The following PTPRD variants were observed in gnomAD, a reference collection of about 807,000 sequenced individuals.
PTPRD encodes protein tyrosine phosphatase receptor type D, also known as receptor-type tyrosine-protein phosphatase delta.
In PTPRD, 34 loss-of-function variants were observed where a neutral mutation model predicts 214.5. The observed-to-expected ratio is 0.16, with a 90% CI of 0.12 to 0.21. The LOEUF (loss-of-function observed/expected upper bound fraction) is 0.21. Among genes scored for constraint, PTPRD ranks in the 10% least tolerant of loss-of-function variants. The pLI is 1.00. For synonymous variants in PTPRD, 1,128 were observed against 845.7 expected, an observed-to-expected ratio of 1.33 and a Z score of -5.79; for missense variants, 2,545 against 2,398.7, an observed-to-expected ratio of 1.06 and a Z score of -1.27.
At chr9:8,547,475 T>C (rs1210970327) in intron 14 of PTPRD, among the ~76,000 whole-genome samples, 1 of 152,008 alleles carries the variant, frequency 6.6e-6, no homozygotes, top group Non-Finnish European at 1.5e-5. Flanking sequence ...AAAACCAGTC[T>C]GTACAAAATA....
At chr9:9,019,771 C>G (rs997510229) in intron 10 of PTPRD, among the ~76,000 whole-genome samples, 8 of 152,106 alleles carry the variant, frequency 5.3e-5, no homozygotes, top group Non-Finnish European at 1.2e-4. Flanking sequence ...GAGAAAGATA[C>G]AAGTCCATGA....
At chr9:10,111,513 CA>C (rs1416073091) in intron 3 of PTPRD, among the ~76,000 whole-genome samples, 1 of 152,068 alleles carries the variant, frequency 6.6e-6, no homozygotes, top group Non-Finnish European at 1.5e-5. Context: ...GCTGGGATTA[CA>C]GGCGTGAGCC....
At chr9:8,626,974 T>C (rs537262750) in intron 14 of PTPRD, among the ~76,000 whole-genome samples, 2 of 151,808 alleles carry the variant, frequency 1.3e-5, no homozygotes, top group East Asian at 3.9e-4. Context: ...ACACCTACCA[T>C]CAATACTCAG....
intron 5 of PTPRD, among the ~76,000 whole-genome samples, chr9:9,900,174 G>C (rs1349269684): frequency 2.0e-5 from 3 of 152,096 alleles, no homozygotes; most frequent in Admixed American, 2.0e-4. Context: ...ACATGCCCAG[G>C]CTGCAGAATT....
At chr9:10,473,150 G>A (rs1192982959) in intron 2 of PTPRD, among the ~76,000 whole-genome samples, 1 of 148,914 alleles carries the variant, frequency 6.7e-6, no homozygotes, top group Admixed American at 6.8e-5. Context: ...CTTGTGATCC[G>A]ACACATGTGG....
rs183187851 is a variant in PTPRD, at chr9:9,868,687, G to T, written c.-368+69820C>A. ...TTTCAAGCAGGGTATTATGAGGAAA[G>T]ATACACACCTAGGAATATCCTAATA... is the stretch of plus-strand genomic sequence containing the variant. On this transcript the variant is annotated intron_variant, in intron 5 of 45. Coordinates refer to ENST00000381196, the MANE Select transcript of PTPRD (RefSeq NM_002839.4). 1.3e-3 allele frequency among the ~76,000 whole-genome samples: 191 copies of T among 149,924 alleles called. 1 individual carries two copies. The highest frequency in any genetic ancestry group is 4.7e-3 in the African/African-American group (186 of 39,670).
At chr9:8,386,308 C>T (rs551534912) in intron 37 of PTPRD, among the ~76,000 whole-genome samples, 101 of 152,136 alleles carry the variant, frequency 6.6e-4, no homozygotes, top group Non-Finnish European at 1.3e-3. Context: ...TGCAGTCCTG[C>T]GTAATATCAA....
chr9:10,272,389 T>C (rs529507824), intron 3 of PTPRD, among the ~76,000 whole-genome samples: 1 of 152,350 alleles, frequency 6.6e-6, no homozygotes, highest in Non-Finnish European at 1.5e-5. Flanking sequence ...TTGACTACTG[T>C]AAAGAGTGCA....
At chr9:8,564,632 G>A (rs1398392154) in intron 14 of PTPRD, among the ~76,000 whole-genome samples, 2 of 152,102 alleles carry the variant, frequency 1.3e-5, no homozygotes, top group Non-Finnish European at 2.9e-5. Flanking sequence ...CTTAGGAGGC[G>A]GAAGTTGTAG....
intron 5 of PTPRD, among the ~76,000 whole-genome samples, chr9:9,854,760 G>A (rs73643808): frequency 0.033 from 5,029 of 151,936 alleles, 282 homozygotes; most frequent in African/African-American, 0.11. Flanking sequence ...CAGAAAACCA[G>A]CAAAAACAAA....
intron 2 of PTPRD, among the ~76,000 whole-genome samples, chr9:10,462,005 G>A (rs1208596949): frequency 1.3e-5 from 2 of 152,116 alleles, no homozygotes; most frequent in Admixed American, 6.5e-5. Context: ...GTCAGGCTGT[G>A]GGAGGCAGAA....
At chr9:9,318,886 C>A (rs1169724987) in intron 9 of PTPRD, among the ~76,000 whole-genome samples, 1 of 152,186 alleles carries the variant, frequency 6.6e-6, no homozygotes, top group African/African-American at 2.4e-5. Flanking sequence ...ATCCCACCTG[C>A]AGGCTTCTAG....
intron 10 of PTPRD, among the ~76,000 whole-genome samples, chr9:9,157,378 T>A (rs1399086062): frequency 6.6e-6 from 1 of 151,478 alleles, no homozygotes; most frequent in Non-Finnish European, 1.5e-5. Context: ...ATCAATAAAC[T>A]CTTAGATTAA....
At chr9:8,778,285 A>T (rs538238629) in intron 11 of PTPRD, among the ~76,000 whole-genome samples, 1 of 152,284 alleles carries the variant, frequency 6.6e-6, no homozygotes, top group Non-Finnish European at 1.5e-5. Flanking sequence ...CCCTTCTTAA[A>T]ACTTGAGATA....
intron 2 of PTPRD, among the ~76,000 whole-genome samples, chr9:10,518,312 A>G (rs1417803647): frequency 2.0e-5 from 3 of 152,196 alleles, no homozygotes; most frequent in Non-Finnish European, 2.9e-5. Context: ...GTATGGTTGT[A>G]CATCTCACTT....
At chr9:8,451,520 T>C (rs1044973214) in intron 33 of PTPRD, among the ~76,000 whole-genome samples, 3 of 152,134 alleles carry the variant, frequency 2.0e-5, no homozygotes, top group South Asian at 4.1e-4. Context: ...AAGGAGGACA[T>C]GATGGCCAGT....
In PTPRD at chr9:8,521,619, C is replaced by G. The variant is rs1406456857; in HGVS notation, c.692-73G>C. On this transcript the variant is annotated intron_variant, in intron 19 of 45. Coordinates refer to ENST00000381196, the MANE Select transcript of PTPRD (RefSeq NM_002839.4). Reference sequence around the variant, plus strand: ...AGTGGATTATTAAACACATGACATGCACCGTACAGACACGATTCAACAATT... The same window carrying G: ...AGTGGATTATTAAACACATGACATGGACCGTACAGACACGATTCAACAATT... 39 of 1,502,612 alleles carry G rather than the reference C, an allele frequency of 2.6e-5. No homozygotes were observed. The Admixed American group carries it at 6.9e-4, about 27-fold the overall frequency. 93.1% of individuals were successfully genotyped at this position (1,502,612 alleles called of 1,614,324 possible). A position where few individuals can be genotyped will look rare whatever the true frequency, so the allele number is the denominator to read the frequency against.
chr9:10,558,997 A>G (rs2063236176), intron 2 of PTPRD, among the ~76,000 whole-genome samples: 1 of 152,126 alleles, frequency 6.6e-6, no homozygotes, highest in South Asian at 2.1e-4. Context: ...TTTCTATATT[A>G]TATATTTTGT....
rs555845222 is a variant in PTPRD, at chr9:9,957,233, G to C, written c.-471-18623C>G. ...CCATGGGAACATTAACAGAGGCAAA[G>C]AATACTCCTCTTTTTAAGATATCTC... is the stretch of plus-strand genomic sequence containing the variant. On this transcript the variant is annotated intron_variant, in intron 4 of 45. Coordinates refer to ENST00000381196, the MANE Select transcript of PTPRD (RefSeq NM_002839.4). Among the ~76,000 whole-genome samples the C allele has an allele frequency of 2.5e-3, 382 of 152,222 alleles. 1 individual carries two copies. The highest frequency in any genetic ancestry group is 8.7e-3 in the African/African-American group (360 of 41,558).
Sources: allele counts gnomAD v4.1 joint callset (sites outside exome capture counted in the v4.1 genomes callset), GRCh38; gene constraint gnomAD v4.1.1; transcripts MANE v1.5; gene names NCBI Gene and HGNC (gene_info 2026-07-23, HGNC 2026-07-21).